The following DOCK3 variants were observed in gnomAD, a reference collection of about 807,000 sequenced individuals.
The protein encoded by DOCK3 is dedicator of cytokinesis 3.
In DOCK3, 60 loss-of-function variants were observed where a neutral mutation model predicts 265.6. That is an observed-to-expected ratio of 0.23 (90% CI 0.18 to 0.28). DOCK3 has a LOEUF of 0.28. Among genes scored for constraint, DOCK3 ranks in the 10% least tolerant of loss-of-function variants. DOCK3 has a pLI of 1.00. For synonymous variants in DOCK3, 881 were observed against 938.0 expected (o/e 0.94, Z 1.11); for missense variants, 1,981 against 2,594.3 (o/e 0.76, Z 5.14).
At chr3:51,119,568 A>G (rs186131305) in intron 9 of DOCK3, among the ~76,000 whole-genome samples, 1 of 152,160 alleles carries the variant, frequency 6.6e-6, no homozygotes, top group Non-Finnish European at 1.5e-5. Context: ...GTTTTCCAAC[A>G]TGGTTCCATT....
intron 27 of DOCK3, among the ~76,000 whole-genome samples, chr3:51,309,083 G>A (rs2082895710): frequency 2.0e-5 from 3 of 150,692 alleles, no homozygotes; most frequent in Admixed American, 1.3e-4. Context: ...GGGCAGAGAC[G>A]CTCCTCACTT....
chr3:51,026,051 TA>T (rs925403298), intron 5 of DOCK3, among the ~76,000 whole-genome samples: 13 of 148,282 alleles, frequency 8.8e-5, no homozygotes, highest in East Asian at 2.0e-4. Context: ...GTTCTTGCTT[TA>T]AAAAAAAAAA....
chr3:51,090,187 A>G lies in DOCK3; in HGVS notation c.592-43A>G, dbSNP rs138640309. On this transcript the variant is annotated intron_variant, in intron 8 of 52. Coordinates refer to ENST00000266037, the MANE Select transcript of DOCK3 (RefSeq NM_004947.5). ...CACTTTTTAATGATCAATATAAAAA[A>G]TAACTAAAATAAAAATCACTGGGTT... 23 of 1,512,232 alleles carry G rather than the reference A, an allele frequency of 1.5e-5. No individual in the cohort carries two copies. In the East Asian group the frequency reaches 3.4e-4, roughly 23 times the overall value. The allele number at this position is 1,512,232 out of a possible 1,614,324, so 93.7% of individuals were successfully genotyped here. A position where few individuals can be genotyped will look rare whatever the true frequency, so the allele number is the denominator to read the frequency against.
At chr3:51,108,697 A>G (rs958933135) in intron 9 of DOCK3, among the ~76,000 whole-genome samples, 1 of 152,232 alleles carries the variant, frequency 6.6e-6, no homozygotes, top group Non-Finnish European at 1.5e-5. Flanking sequence ...AGAAAAATCT[A>G]CCAAGCAAAT....
intron 5 of DOCK3, among the ~76,000 whole-genome samples, chr3:50,994,975 T>A (rs1241973888): frequency 6.6e-6 from 1 of 152,194 alleles, no homozygotes; most frequent in African/African-American, 2.4e-5. Context: ...ATTTTCTTAA[T>A]GAATTATGGT....
intron 27 of DOCK3, among the ~76,000 whole-genome samples, chr3:51,291,678 A>G (rs189767151): frequency 6.6e-6 from 1 of 152,324 alleles, no homozygotes; most frequent in East Asian, 1.9e-4. Flanking sequence ...TTTACAGACA[A>G]ACTAATAATA....
At chr3:51,240,643 G>A (rs1428705213) in intron 21 of DOCK3, among the ~76,000 whole-genome samples, 2 of 152,174 alleles carry the variant, frequency 1.3e-5, no homozygotes, top group Non-Finnish European at 2.9e-5. Context: ...ATACTTAAGA[G>A]AGTTAGGTCT....
At position 50,734,602 on chromosome 3, in the gene DOCK3, G is replaced by GTT. The variant is rs771129941; in HGVS notation, c.38-44056_38-44055dup. Among the ~76,000 whole-genome samples, 13 of 107,384 alleles carry GTT rather than the reference G, an allele frequency of 1.2e-4. 5 individuals are homozygous for GTT. The highest frequency in any genetic ancestry group is 3.0e-4 in the East Asian group (1 of 3,348). The allele number at this position is 107,384 out of a possible 152,430, so 70.4% of individuals were successfully genotyped here. On this transcript the variant is annotated intron_variant, in intron 1 of 52. Coordinates refer to ENST00000266037, the MANE Select transcript of DOCK3 (RefSeq NM_004947.5). Reference sequence around the variant, plus strand: ...TATTATATTCTTGCTTTTACAGTGAGTTTTTTTTTTTTTTTTTTGAGATGG... The same window carrying GTT: ...TATTATATTCTTGCTTTTACAGTGAGTTTTTTTTTTTTTTTTTTTTGAGATGG...
intron 1 of DOCK3, among the ~76,000 whole-genome samples, chr3:50,764,751 C>T (rs1448916717): frequency 6.6e-6 from 1 of 152,048 alleles, no homozygotes; most frequent in Non-Finnish European, 1.5e-5. Flanking sequence ...AGTTTGAGAC[C>T]AGCCTGGGGA....
chr3:50,841,698 A>C lies in DOCK3; in HGVS notation c.145A>C (p.Lys49Gln). Residue 49 changes from lysine (K) to glutamine (Q), a missense_variant, in exon 3 of 53, where the codon AAG becomes CAG. Coordinates refer to ENST00000266037, the MANE Select transcript of DOCK3 (RefSeq NM_004947.5). ...CEGWYRGVSTKKPNVKGIFPA... is the reference protein window; with the variant it reads ...CEGWYRGVSTQKPNVKGIFPA... ...AGGTTGGTACAGAGGAGTTTCAACAAAGAAGCCAAATGTGAAGGTAATGAA... is the reference window on the plus strand; with the variant it reads ...AGGTTGGTACAGAGGAGTTTCAACACAGAAGCCAAATGTGAAGGTAATGAA... The C allele has an allele frequency of 8.0e-7, 1 of 1,253,918 alleles. No homozygotes were observed. Among genetic ancestry groups the C allele is most frequent in the Non-Finnish European group, 1.0e-6 (1 of 970,244 alleles). 77.7% of individuals were successfully genotyped at this position (1,253,918 alleles called of 1,614,324 possible).
intron 9 of DOCK3, among the ~76,000 whole-genome samples, chr3:51,097,101 G>A (rs1489552815): frequency 6.6e-6 from 1 of 152,216 alleles, no homozygotes; most frequent in Non-Finnish European, 1.5e-5. Flanking sequence ...CCCACTTGAG[G>A]AGACAGTCTG....
At chr3:51,274,470 C>T (rs529811857) in intron 24 of DOCK3, among the ~76,000 whole-genome samples, 1 of 152,250 alleles carries the variant, frequency 6.6e-6, no homozygotes, top group South Asian at 2.1e-4. Flanking sequence ...AATTTGGAGT[C>T]TAATCATTAA....
Position 51,370,615 on chromosome 3 carries a change from T to TG in DOCK3, c.5294-3853dup, listed in dbSNP as rs545138332. Among the ~76,000 whole-genome samples the TG allele has an allele frequency of 5.9e-5, 9 of 152,380 alleles. No homozygotes were observed. The South Asian group carries it at 1.7e-3, about 28-fold the overall frequency. ...CTCAGTGAGGAACCTGCATGGCTCT[T>TG]GCCACGGGGGCAGGTGGTGCACTAT... On this transcript the variant is annotated intron_variant, in intron 49 of 52. Transcript: ENST00000266037.
At chr3:50,999,244 G>A (rs759464771) in intron 5 of DOCK3, among the ~76,000 whole-genome samples, 1 of 152,122 alleles carries the variant, frequency 6.6e-6, no homozygotes, top group Admixed American at 6.6e-5. Context: ...TTCATATATT[G>A]TCAGTTTTTC....
intron 4 of DOCK3, among the ~76,000 whole-genome samples, chr3:50,902,505 T>C (rs532255072): frequency 6.6e-6 from 1 of 152,318 alleles, no homozygotes; most frequent in African/African-American, 2.4e-5. Context: ...TTCAGTCTTA[T>C]TTTTGAATTC....
intron 1 of DOCK3, among the ~76,000 whole-genome samples, chr3:50,753,535 T>C (rs939511085): frequency 2.6e-5 from 4 of 152,040 alleles, no homozygotes; most frequent in Admixed American, 1.3e-4. Context: ...TGTTTTTAGT[T>C]TACTTTTTGT....
chr3:51,160,602 T>C lies in DOCK3; in HGVS notation c.937T>C (p.Tyr313His), dbSNP rs1474104170. 6.2e-7 allele frequency: 1 copy of C among 1,613,132 alleles called. No homozygotes were observed. ...DSKKGPPHLHYRRPYGCAVLS... is the reference protein window; with the variant it reads ...DSKKGPPHLHHRRPYGCAVLS... ...AAAGAAAGGTCCTCCTCACCTGCAC[T>C]ACAGGCGACCATATGGCTGTGCGGT... Residue 313 changes from tyrosine to histidine, a missense_variant, in exon 12 of 53, where the codon TAC becomes CAC. By Grantham distance (83) the Tyr-to-His change is moderately conservative. Transcript: ENST00000266037.
intron 5 of DOCK3, among the ~76,000 whole-genome samples, chr3:51,057,491 C>T (rs1277070017): frequency 1.3e-5 from 2 of 152,166 alleles, no homozygotes; most frequent in African/African-American, 4.8e-5. Context: ...AAAACAAAAC[C>T]TGTAGTGCCA....
intron 42 of DOCK3, 67 bp from the exon 43 acceptor site, chr3:51,356,340 C>T (rs947799640): frequency 5.6e-6 from 9 of 1,611,978 alleles, no homozygotes; most frequent in Non-Finnish European, 7.6e-6. Context: ...ACTGTTTTAT[C>T]CCTCAGGTAG....
Sources: allele counts gnomAD v4.1 joint callset (sites outside exome capture counted in the v4.1 genomes callset), GRCh38; gene constraint gnomAD v4.1.1; transcripts MANE v1.5; gene names NCBI Gene and HGNC (gene_info 2026-07-23, HGNC 2026-07-21).